IL1RAPL1: variants seen among roughly 807,000 people sequenced by gnomAD.
IL1RAPL1 encodes the protein interleukin 1 receptor accessory protein like 1, also known as interleukin-1 receptor accessory protein-like 1.
A neutral mutation model predicts 48.4 loss-of-function variants in IL1RAPL1; 3 were observed. The ratio of observed to expected loss-of-function variants is 0.06; its 90% CI spans 0.03 to 0.16. The LOEUF (loss-of-function observed/expected upper bound fraction) is 0.16, where lower values mean the gene tolerates loss of function less well. IL1RAPL1 is among the 10% of genes least tolerant of loss of function. The pLI is 1.00. For missense variants in IL1RAPL1, 349 were observed against 530.6 expected (o/e 0.66, Z 3.36); for synonymous variants, 185 against 187.7 (o/e 0.99, Z 0.12).
intron 5 of IL1RAPL1, among the ~76,000 whole-genome samples, chrX:29,444,209 G>T (rs1274877761): frequency 9.1e-6 from 1 of 109,908 alleles, no homozygotes; most frequent in Non-Finnish European, 1.9e-5. Flanking sequence ...GGATATGGTG[G>T]TGCACACCTG....
intron 6 of IL1RAPL1, among the ~76,000 whole-genome samples, chrX:29,884,463 C>T (rs2147216657): frequency 9.1e-6 from 1 of 110,363 alleles, no homozygotes; most frequent in Admixed American, 9.6e-5. Flanking sequence ...CTGGTCACTC[C>T]CTCTCACTCT....
At chrX:29,032,785 A>G (rs1226380225) in intron 2 of IL1RAPL1, among the ~76,000 whole-genome samples, 2 of 112,493 alleles carry the variant, frequency 1.8e-5, no homozygotes, top group Admixed American at 1.9e-4. Flanking sequence ...AGAGACACAA[A>G]GGCTTAGAGT....
At chrX:29,493,112 C>T (rs1320013284) in intron 5 of IL1RAPL1, among the ~76,000 whole-genome samples, 1 of 111,849 alleles carries the variant, frequency 8.9e-6, no homozygotes, top group Non-Finnish European at 1.9e-5. Flanking sequence ...GTTTATTTTA[C>T]AGAAAAAGAT....
intron 2 of IL1RAPL1, among the ~76,000 whole-genome samples, chrX:28,850,646 T>C (rs1036157016): frequency 1.5e-4 from 17 of 111,061 alleles, no homozygotes; most frequent in Non-Finnish European, 3.0e-4. Flanking sequence ...TCTCTGACCC[T>C]GCCTCTGATA....
intron 2 of IL1RAPL1, among the ~76,000 whole-genome samples, chrX:29,260,860 T>C (rs752783671): frequency 9.2e-6 from 1 of 108,719 alleles, no homozygotes. Context: ...ACTTATATAG[T>C]TAATTTTTAT....
At chrX:29,284,789 CTCT>C (rs1713585223) in intron 3 of IL1RAPL1, among the ~76,000 whole-genome samples, 1 of 111,803 alleles carries the variant, frequency 8.9e-6, no homozygotes, top group Non-Finnish European at 1.9e-5. Flanking sequence ...CCTTTGGCAA[CTCT>C]TCTTCTTTCT....
intron 6 of IL1RAPL1, among the ~76,000 whole-genome samples, chrX:29,807,554 G>T (rs181979044): frequency 1.1e-5 from 1 of 89,574 alleles, no homozygotes; most frequent in Non-Finnish European, 2.1e-5. Flanking sequence ...GGTGGAGGTT[G>T]CAATGAGCCA....
intron 1 of IL1RAPL1, among the ~76,000 whole-genome samples, chrX:28,700,524 A>G (rs1272946287): frequency 2.8e-5 from 3 of 107,376 alleles, no homozygotes; most frequent in Non-Finnish European, 5.8e-5. Flanking sequence ...TGTCTCTGGA[A>G]CCTCTACTCT....
At chrX:29,207,374 C>G (rs1930686164) in intron 2 of IL1RAPL1, among the ~76,000 whole-genome samples, 1 of 112,135 alleles carries the variant, frequency 8.9e-6, no homozygotes, top group South Asian at 3.7e-4. Flanking sequence ...AAGATCTAAA[C>G]TCTTTGAAAA....
intron 2 of IL1RAPL1, among the ~76,000 whole-genome samples, chrX:29,065,129 A>C (rs185302191): frequency 2.8e-4 from 30 of 107,213 alleles, no homozygotes; most frequent in Non-Finnish European, 2.7e-4. Flanking sequence ...CTTTGAAATC[A>C]GGTGAAGGAA....
At chrX:29,587,614 A>G (rs1226374794) in intron 5 of IL1RAPL1, among the ~76,000 whole-genome samples, 1 of 112,192 alleles carries the variant, frequency 8.9e-6, no homozygotes, top group Non-Finnish European at 1.9e-5. Flanking sequence ...ACTTCAAAAC[A>G]TCATGTTATA....
chrX:29,485,557 C>T (rs907809329), intron 5 of IL1RAPL1, among the ~76,000 whole-genome samples: 5 of 111,413 alleles, frequency 4.5e-5, no homozygotes, highest in African/African-American at 1.6e-4. Context: ...TTTAACCCCA[C>T]TCTTAATTGT....
intron 6 of IL1RAPL1, among the ~76,000 whole-genome samples, chrX:29,748,059 G>A (rs1188145353): frequency 1.8e-5 from 2 of 112,065 alleles, no homozygotes; most frequent in East Asian, 2.8e-4. Context: ...GTCATGTGCC[G>A]TTGGGACGCT....
intron 2 of IL1RAPL1, among the ~76,000 whole-genome samples, chrX:28,860,119 A>G (rs1601934689): frequency 8.9e-6 from 1 of 111,937 alleles, no homozygotes; most frequent in South Asian, 3.7e-4. Flanking sequence ...TGCTTTGACT[A>G]AACTATAATT....
chrX:28,611,111 C>G (rs1934141925), intron 1 of IL1RAPL1, among the ~76,000 whole-genome samples: 2 of 111,695 alleles, frequency 1.8e-5, no homozygotes, highest in Admixed American at 1.9e-4. Context: ...CATTTAGATT[C>G]TTTGTGGAGA....
intron 5 of IL1RAPL1, among the ~76,000 whole-genome samples, chrX:29,461,576 C>T (rs1210429045): frequency 9.0e-6 from 1 of 111,213 alleles, no homozygotes; most frequent in African/African-American, 3.3e-5. Context: ...TTTAGACTAG[C>T]AGTATTCAGA....
chrX:29,068,377 C>A (rs1276747105), intron 2 of IL1RAPL1, among the ~76,000 whole-genome samples: 1 of 112,040 alleles, frequency 8.9e-6, no homozygotes, highest in Non-Finnish European at 1.9e-5. Flanking sequence ...GAAGTGGTTT[C>A]TTCAGCCAAA....
At chrX:28,698,435 C>T (rs1358423869) in intron 1 of IL1RAPL1, among the ~76,000 whole-genome samples, 1 of 110,674 alleles carries the variant, frequency 9.0e-6, no homozygotes, top group East Asian at 2.8e-4. Context: ...TTAAAATTGC[C>T]ATTCTTAATT....
At chrX:28,783,520 C>A (rs914767741) in intron 1 of IL1RAPL1, among the ~76,000 whole-genome samples, 9 of 109,606 alleles carry the variant, frequency 8.2e-5, no homozygotes, top group Non-Finnish European at 1.7e-4. Flanking sequence ...AGAAAACAAG[C>A]AAATTCCCAC....
Sources: gnomAD v4.1 joint callset for allele counts (sites outside exome capture counted in the v4.1 genomes callset) on GRCh38, gnomAD v4.1.1 for gene constraint, MANE v1.5 for transcripts, NCBI Gene and HGNC (gene_info 2026-07-23, HGNC 2026-07-21) for gene names.